Variants in ZNF765 observed in about 807,000 individuals in gnomAD.
The protein encoded by ZNF765 is zinc finger protein 765.
In ZNF765, 37 loss-of-function variants were observed where a neutral mutation model predicts 44.7. The observed-to-expected ratio is 0.83, with a 90% CI of 0.64 to 1.09. The LOEUF (loss-of-function observed/expected upper bound fraction) is 1.09, where lower values mean the gene tolerates loss of function less well. Among genes scored for constraint, ZNF765 ranks in the 50% least tolerant of loss-of-function variants. ZNF765 has a pLI of 0.00. For missense variants in ZNF765, 594 were observed against 626.1 expected (o/e 0.95, Z 0.55); for synonymous variants, 201 against 213.7 (o/e 0.94, Z 0.52).
Position 53,410,857 on chromosome 19 carries a change from G to T in ZNF765, c.*1730G>T. 2.1e-6 allele frequency: 1 copy of T among 472,890 alleles called. No individual in the cohort carries two copies. 29.3% of individuals were successfully genotyped at this position (472,890 alleles called of 1,614,324 possible). ...AAACCTCACAAGTGTGATGATTGCG[G>T]CAAAGCCTTTAATTCACATTCACAC... On this transcript the variant is annotated 3_prime_UTR_variant, in exon 4 of 4. Transcript: ENST00000396408.
chr19:53,417,377 G>C (rs2085881574), intron 3 of ZNF765, among the ~76,000 whole-genome samples: 1 of 152,072 alleles, frequency 6.6e-6, no homozygotes, highest in African/African-American at 2.4e-5. Flanking sequence ...AGAACATGTG[G>C]CATTTGGGTT....
At chr19:53,395,811 A>G (rs2085662286) in intron 1 of ZNF765, among the ~76,000 whole-genome samples, 1 of 152,194 alleles carries the variant, frequency 6.6e-6, no homozygotes, top group Non-Finnish European at 1.5e-5. Context: ...CCCGGGATGC[A>G]GGCGTTTTGC....
chr19:53,414,271 A>C (rs2147103100), downstream of ZNF765, among the ~76,000 whole-genome samples: 4 of 140,614 alleles, frequency 2.8e-5, no homozygotes, highest in Non-Finnish European at 6.3e-5. Flanking sequence ...TGCAGCAAAC[A>C]TGGTATGATA....
chr19:53,397,742 C>T (rs908155591), intron 1 of ZNF765, among the ~76,000 whole-genome samples: 3 of 151,930 alleles, frequency 2.0e-5, no homozygotes, highest in African/African-American at 7.2e-5. Context: ...CCCACCCCAG[C>T]TCCCCACTGC....
At chr19:53,418,667 G>GT (rs1428004388) in intron 3 of ZNF765, among the ~76,000 whole-genome samples, 1 of 151,992 alleles carries the variant, frequency 6.6e-6, no homozygotes, top group Non-Finnish European at 1.5e-5. Flanking sequence ...GAGGCCAATG[G>GT]TGGGGGGGGC....
intron 3 of ZNF765, among the ~76,000 whole-genome samples, chr19:53,407,222 ATTGT>A (rs1475737243): frequency 6.6e-6 from 1 of 152,282 alleles, no homozygotes; most frequent in Admixed American, 6.5e-5. Context: ...CAGTGCTATG[ATTGT>A]TTGACAATAC....
chr19:53,399,050 C>T (rs1304884010), intron 2 of ZNF765, among the ~76,000 whole-genome samples: 3 of 151,540 alleles, frequency 2.0e-5, no homozygotes, highest in Non-Finnish European at 4.4e-5. Flanking sequence ...CATGCCCAGC[C>T]CCAATGATTA....
In ZNF765 at chr19:53,409,192, G is replaced by A. The variant is rs200693380; in HGVS notation, c.*65G>A. ...ATGCCATCGTAGGCTTCATAGTGGA[G>A]AGAAACCTTACAAATATGAAGAACT... On this transcript the variant is annotated 3_prime_UTR_variant, in exon 4 of 4. Coordinates refer to ENST00000396408, the MANE Select transcript of ZNF765 (RefSeq NM_001040185.3). The A allele has an allele frequency of 6.3e-5, 88 of 1,388,498 alleles. No individual in the cohort carries two copies. The highest frequency in any genetic ancestry group is 3.6e-4 in the Middle Eastern group (2 of 5,596). 86.0% of individuals were successfully genotyped at this position (1,388,498 alleles called of 1,614,324 possible).
In ZNF765 at chr19:53,410,499, A is replaced by G; in HGVS notation, c.*1372A>G. ...CATCCTAGAATTCACATTGGAGAGAAAGCTTACAAGTATAATGAATGTGAC... is the reference window on the plus strand; with the variant it reads ...CATCCTAGAATTCACATTGGAGAGAGAGCTTACAAGTATAATGAATGTGAC... On this transcript the variant is annotated 3_prime_UTR_variant, in exon 4 of 4. Coordinates refer to ENST00000396408, the MANE Select transcript of ZNF765 (RefSeq NM_001040185.3). 2.6e-6 allele frequency: 1 copy of G among 388,052 alleles called. No homozygotes were observed. The highest frequency in any genetic ancestry group is 2.4e-5 in the South Asian group (1 of 42,192). The allele number at this position is 388,052 out of a possible 1,614,324, so 24.0% of individuals were successfully genotyped here.
Position 53,408,918 on chromosome 19 carries a change from A to T in ZNF765, c.1363A>T (p.Ile455Leu). Residue 455 changes from isoleucine to leucine, a missense_variant, in exon 4 of 4, where the codon ATA becomes TTA. Physicochemically the swap from Ile to Leu is conservative, Grantham distance 5. Coordinates refer to ENST00000396408, the MANE Select transcript of ZNF765 (RefSeq NM_001040185.3). ...CTACAGTTTCAAATCAAACCTTGAAATACATCAGAAAATTCATACTGAAGA... is the reference window on the plus strand; with the variant it reads ...CTACAGTTTCAAATCAAACCTTGAATTACATCAGAAAATTCATACTGAAGA... ...KAYSFKSNLE[I>L]HQKIHTEENP... 1 of 1,612,920 alleles carries T rather than the reference A, an allele frequency of 6.2e-7. No individual in the cohort carries two copies. The highest frequency in any genetic ancestry group is 8.5e-7 in the Non-Finnish European group (1 of 1,179,730).
chr19:53,398,658 C>G (rs1019740448), intron 2 of ZNF765, among the ~76,000 whole-genome samples: 3 of 152,136 alleles, frequency 2.0e-5, no homozygotes, highest in Admixed American at 2.0e-4. Context: ...TAGCACATTA[C>G]GCTCATGGAG....
intron 3 of ZNF765, among the ~76,000 whole-genome samples, chr19:53,422,825 T>C (rs527529658): frequency 2.0e-4 from 30 of 152,312 alleles, no homozygotes; most frequent in East Asian, 3.9e-4. Context: ...GCCATGGGAA[T>C]GATCTTCTTA....
rs3975046 is a variant in ZNF765 at position 53,402,216 on chromosome 19, A to G, written c.142+25A>G. On this transcript the variant is annotated intron_variant, in intron 3 of 3. Coordinates refer to ENST00000396408, the MANE Select transcript of ZNF765 (RefSeq NM_001040185.3). ...GGTGAGGATGACTTCCCTCCTGGGG[A>G]TGTGCCCTTGCGTATCTTTGTATTT... 0.34 allele frequency: 464,759 copies of G among 1,367,882 alleles called. 71,207 individuals are homozygous for G. Among genetic ancestry groups the G allele is most frequent in the Non-Finnish European group, 0.38 (373,332 of 989,390 alleles). 84.7% of individuals were successfully genotyped at this position (1,367,882 alleles called of 1,614,324 possible).
intron 3 of ZNF765, among the ~76,000 whole-genome samples, chr19:53,405,952 A>ATATATATAG (rs2085771468): frequency 2.3e-5 from 1 of 44,230 alleles, no homozygotes; most frequent in Non-Finnish European, 5.2e-5. Context: ...TATATATATA[A>ATATATATAG]AATTGCTGTA....
intron 3 of ZNF765, among the ~76,000 whole-genome samples, chr19:53,405,483 G>GA (rs1353771776): frequency 6.6e-6 from 1 of 151,768 alleles, no homozygotes; most frequent in Non-Finnish European, 1.5e-5. Context: ...CATGAATTTG[G>GA]AAAGTGGGAA....
chr19:53,396,757 G>C (rs1305457831), intron 1 of ZNF765, among the ~76,000 whole-genome samples: 1 of 152,170 alleles, frequency 6.6e-6, no homozygotes, highest in Non-Finnish European at 1.5e-5. Context: ...GTTTTTTGGA[G>C]TGAATGAATG....
chr19:53,401,746 C>T (rs1384002579), intron 2 of ZNF765, among the ~76,000 whole-genome samples: 37 of 151,782 alleles, frequency 2.4e-4, no homozygotes, highest in Admixed American at 2.0e-3. Flanking sequence ...CGTGGTGGCA[C>T]GTGCCTATAA....
chr19:53,414,470 CACACACACACACACACACA>C (rs1568785979), downstream of ZNF765, among the ~76,000 whole-genome samples: 19 of 24,678 alleles, frequency 7.7e-4, 1 homozygote, highest in Non-Finnish European at 1.6e-3. Flanking sequence ...CACACACACA[CACACACACACACACACACA>C]CCCCCCCCCC....
intron 3 of ZNF765, among the ~76,000 whole-genome samples, chr19:53,404,905 A>G (rs370794229): frequency 2.0e-5 from 3 of 152,216 alleles, no homozygotes; most frequent in Non-Finnish European, 4.4e-5. Flanking sequence ...TTCCTGCCTC[A>G]GTCATTTCAC....
Sources: gnomAD v4.1 joint callset for allele counts (sites outside exome capture counted in the v4.1 genomes callset) on GRCh38, gnomAD v4.1.1 for gene constraint, MANE v1.5 for transcripts, NCBI Gene and HGNC (gene_info 2026-07-23, HGNC 2026-07-21) for gene names.